ENTREP2: variants seen among roughly 807,000 people sequenced by gnomAD.
ENTREP2 encodes endosomal transmembrane epsin interactor 2, also known as protein ENTREP2.
At chr15:29,351,937 C>T in the ENTREP2 span, among the ~76,000 whole-genome samples, 1 of 152,020 alleles carries the variant, frequency 6.6e-6, no homozygotes, top group Non-Finnish European at 1.5e-5. Flanking sequence ...CCACGTCCAA[C>T]TAATTTTACT....
chr15:29,332,908 G>T, the ENTREP2 span, among the ~76,000 whole-genome samples: 1 of 147,960 alleles, frequency 6.8e-6, no homozygotes, highest in Admixed American at 6.8e-5. Flanking sequence ...GCAGTGAGCC[G>T]AGATGGCGCC....
At chr15:29,488,483 A>C in the ENTREP2 span, among the ~76,000 whole-genome samples, 2 of 152,234 alleles carry the variant, frequency 1.3e-5, no homozygotes, top group African/African-American at 4.8e-5. Flanking sequence ...GTGCGAGTGA[A>C]AGGAACACAA....
At chr15:29,389,060 A>G in the ENTREP2 span, among the ~76,000 whole-genome samples, 2 of 151,980 alleles carry the variant, frequency 1.3e-5, no homozygotes, top group Non-Finnish European at 2.9e-5. Context: ...ACATGTATAC[A>G]TATGTAACAA....
At chr15:29,593,062 A>G in the ENTREP2 span, among the ~76,000 whole-genome samples, 1 of 152,188 alleles carries the variant, frequency 6.6e-6, no homozygotes, top group Non-Finnish European at 1.5e-5. Flanking sequence ...CATTACAGCA[A>G]CACAAATAGA....
chr15:29,644,919 T>C, the ENTREP2 span, among the ~76,000 whole-genome samples: 3 of 150,120 alleles, frequency 2.0e-5, no homozygotes, highest in East Asian at 4.0e-4. Context: ...TCAGAAGAAA[T>C]TGGGATCAGC....
At chr15:29,215,005 T>C in the ENTREP2 span, among the ~76,000 whole-genome samples, 1 of 152,356 alleles carries the variant, frequency 6.6e-6, no homozygotes, top group East Asian at 1.9e-4. Context: ...ACTTTTTGTC[T>C]TGATGACCTT....
At chr15:29,347,859 C>A in the ENTREP2 span, among the ~76,000 whole-genome samples, 30 of 152,288 alleles carry the variant, frequency 2.0e-4, no homozygotes, top group African/African-American at 6.0e-4. Flanking sequence ...ACGGTATCTG[C>A]GAGGCAGAGG....
the ENTREP2 span, among the ~76,000 whole-genome samples, chr15:29,606,238 C>CTT: frequency 7.1e-6 from 1 of 140,384 alleles, no homozygotes; most frequent in Non-Finnish European, 1.5e-5. Flanking sequence ...TCTTTTCCTT[C>CTT]TTTTTTTTTT....
At chr15:29,408,237 A>G in the ENTREP2 span, among the ~76,000 whole-genome samples, 1 of 152,198 alleles carries the variant, frequency 6.6e-6, no homozygotes, top group Non-Finnish European at 1.5e-5. Flanking sequence ...GGGATCCAGC[A>G]GTTTAAAAAA....
chr15:29,165,177 G>T, the ENTREP2 span, among the ~76,000 whole-genome samples: 5 of 152,166 alleles, frequency 3.3e-5, no homozygotes, highest in South Asian at 1.0e-3. Flanking sequence ...CAGAGGTGGT[G>T]CCAAGAGGAA....
chr15:29,390,828 G>A, the ENTREP2 span, among the ~76,000 whole-genome samples: 2 of 152,208 alleles, frequency 1.3e-5, no homozygotes, highest in Non-Finnish European at 2.9e-5. Flanking sequence ...AGTCCTTCTA[G>A]AACGCAGTCT....
the ENTREP2 span, among the ~76,000 whole-genome samples, chr15:29,460,091 AT>A: frequency 8.6e-5 from 13 of 150,780 alleles, no homozygotes; most frequent in Admixed American, 2.0e-4. Flanking sequence ...AACAAAAAAC[AT>A]TTTTTTTTTA....
At chr15:29,369,330 A>T in the ENTREP2 span, among the ~76,000 whole-genome samples, 10 of 152,204 alleles carry the variant, frequency 6.6e-5, no homozygotes, top group Admixed American at 5.2e-4. Flanking sequence ...GCTTGAAGGC[A>T]AAAGATCAGT....
chr15:29,308,260 C>T, the ENTREP2 span, among the ~76,000 whole-genome samples: 5 of 152,146 alleles, frequency 3.3e-5, no homozygotes, highest in African/African-American at 1.2e-4. Context: ...CCTGTAATCT[C>T]AGCTAATCAG....
chr15:29,634,703 G>C, the ENTREP2 span, among the ~76,000 whole-genome samples: 2 of 152,292 alleles, frequency 1.3e-5, no homozygotes, highest in African/African-American at 4.8e-5. Flanking sequence ...AACAAGTCCG[G>C]GGCCTCCAGA....
the ENTREP2 span, among the ~76,000 whole-genome samples, chr15:29,231,182 C>G: frequency 6.6e-6 from 1 of 152,198 alleles, no homozygotes. Flanking sequence ...TAGAACATTT[C>G]TGCTCAGAGA....
chr15:29,276,793 C>T, the ENTREP2 span, among the ~76,000 whole-genome samples: 1 of 152,144 alleles, frequency 6.6e-6, no homozygotes, highest in African/African-American at 2.4e-5. Context: ...TGAAAGTGAA[C>T]AAGGTCTGGC....
At chr15:29,353,930 C>G in the ENTREP2 span, among the ~76,000 whole-genome samples, 13 of 152,274 alleles carry the variant, frequency 8.5e-5, no homozygotes, top group African/African-American at 3.1e-4. Flanking sequence ...GAAAGATCAC[C>G]TTCTGTGATG....
chr15:29,372,262 G>T, the ENTREP2 span, among the ~76,000 whole-genome samples: 1 of 152,032 alleles, frequency 6.6e-6, no homozygotes, highest in Non-Finnish European at 1.5e-5. Context: ...CGATGAGGAC[G>T]AAGGCCTTTA....
Sources: gnomAD v4.1 joint callset for allele counts (sites outside exome capture counted in the v4.1 genomes callset) on GRCh38, gnomAD v4.1.1 for gene constraint, MANE v1.5 for transcripts, NCBI Gene and HGNC (gene_info 2026-07-23, HGNC 2026-07-21) for gene names.